MINDY4: variants seen among roughly 807,000 people sequenced by gnomAD.
MINDY4 encodes the protein MINDY lysine 48 deubiquitinase 4.
In MINDY4, 68 loss-of-function variants were observed where a neutral mutation model predicts 87.0. That is an observed-to-expected ratio of 0.78 (90% CI 0.64 to 0.96). The LOEUF (loss-of-function observed/expected upper bound fraction) is 0.96. Ranked by LOEUF, MINDY4 falls within the 40% of genes least tolerant of loss-of-function variation. The probability of loss-of-function intolerance (pLI) is 0.00; values close to 1 mark genes in which losing one functional copy is unlikely to be tolerated. For missense variants in MINDY4, 919 were observed against 928.2 expected (o/e 0.99, Z 0.13); for synonymous variants, 379 against 363.2 (o/e 1.04, Z -0.50).
intron 3 of MINDY4, among the ~76,000 whole-genome samples, chr7:30,783,858 G>A (rs1448518589): frequency 6.6e-6 from 1 of 152,120 alleles, no homozygotes; most frequent in Admixed American, 6.5e-5. Context: ...CTGCAGAGAT[G>A]GGAAAAATCT....
chr7:30,836,221 T>A (rs538844401), intron 6 of MINDY4, among the ~76,000 whole-genome samples: 85 of 152,358 alleles, frequency 5.6e-4, no homozygotes, highest in African/African-American at 1.9e-3. Flanking sequence ...CCATTTTCTT[T>A]CCCAGTCCTG....
chr7:30,831,306 T>A (rs1788692761), intron 6 of MINDY4, among the ~76,000 whole-genome samples: 1 of 152,086 alleles, frequency 6.6e-6, no homozygotes, highest in Admixed American at 6.5e-5. Context: ...CTTACTAGGT[T>A]ATGTTGTAAT....
intron 17 of MINDY4, among the ~76,000 whole-genome samples, chr7:30,890,238 TC>T (rs1426845885): frequency 6.6e-6 from 1 of 152,258 alleles, no homozygotes; most frequent in Non-Finnish European, 1.5e-5. Context: ...AATTCAGCGT[TC>T]CTATTTGGAC....
At chr7:30,859,782 G>T (rs1005383034) in intron 13 of MINDY4, among the ~76,000 whole-genome samples, 1 of 152,180 alleles carries the variant, frequency 6.6e-6, no homozygotes, top group Non-Finnish European at 1.5e-5. Flanking sequence ...GTGAATGGGC[G>T]GTGGCCAGGA....
At chr7:30,881,344 T>C (rs1366462408) in intron 15 of MINDY4, among the ~76,000 whole-genome samples, 2 of 152,170 alleles carry the variant, frequency 1.3e-5, no homozygotes, top group Non-Finnish European at 2.9e-5. Flanking sequence ...CCACAAACAC[T>C]TCCACCATGT....
intron 14 of MINDY4, among the ~76,000 whole-genome samples, chr7:30,873,297 C>T (rs958186903): frequency 1.3e-5 from 2 of 152,196 alleles, no homozygotes; most frequent in African/African-American, 4.8e-5. Context: ...TTTTCTGGGG[C>T]AGAGAAGGAT....
At chr7:30,775,176 T>C (rs566341397) in intron 1 of MINDY4, among the ~76,000 whole-genome samples, 1 of 152,314 alleles carries the variant, frequency 6.6e-6, no homozygotes, top group East Asian at 1.9e-4. Context: ...CAAGAGTTAG[T>C]GCAGACCCTG....
chr7:30,833,458 G>A (rs1456515423), intron 6 of MINDY4, among the ~76,000 whole-genome samples: 3 of 152,134 alleles, frequency 2.0e-5, no homozygotes, highest in East Asian at 1.9e-4. Flanking sequence ...TCCATGATTC[G>A]GTTATCTCCC....
intron 5 of MINDY4, among the ~76,000 whole-genome samples, chr7:30,810,286 A>G (rs1433357637): frequency 1.3e-5 from 2 of 151,596 alleles, no homozygotes; most frequent in East Asian, 3.9e-4. Flanking sequence ...AAAAAAATTT[A>G]TGCAAGAAAT....
chr7:30,774,463 C>A (rs1186622256), intron 1 of MINDY4, among the ~76,000 whole-genome samples: 2 of 152,158 alleles, frequency 1.3e-5, no homozygotes, highest in African/African-American at 4.8e-5. Flanking sequence ...TGTGCTCCTG[C>A]AGAATCCCAT....
chr7:30,804,484 T>C (rs1314752626), intron 5 of MINDY4, among the ~76,000 whole-genome samples: 2 of 152,186 alleles, frequency 1.3e-5, no homozygotes, highest in African/African-American at 4.8e-5. Flanking sequence ...ATGCTGAAGA[T>C]GAGGTTCCTG....
At chr7:30,826,592 A>G (rs1788514327) in intron 5 of MINDY4, among the ~76,000 whole-genome samples, 1 of 152,236 alleles carries the variant, frequency 6.6e-6, no homozygotes, top group African/African-American at 2.4e-5. Context: ...AGGTGGCCAG[A>G]TCATGGAGAG....
chr7:30,777,221 G>T (rs1786852303), intron 1 of MINDY4, among the ~76,000 whole-genome samples: 1 of 152,078 alleles, frequency 6.6e-6, no homozygotes, highest in Admixed American at 6.6e-5. Flanking sequence ...CTAGAGCCAG[G>T]GTAGGGGTGG....
At chr7:30,881,301 A>G (rs181596961) in intron 15 of MINDY4, among the ~76,000 whole-genome samples, 1 of 152,312 alleles carries the variant, frequency 6.6e-6, no homozygotes, top group East Asian at 1.9e-4. Context: ...CAACGTGCTG[A>G]GGGCCCTGGT....
intron 5 of MINDY4, among the ~76,000 whole-genome samples, chr7:30,806,763 T>C (rs558499778): frequency 1.9e-4 from 29 of 152,298 alleles, no homozygotes; most frequent in Non-Finnish European, 3.7e-4. Context: ...GGAAGGTGGG[T>C]CTGTTTGAAA....
In MINDY4 at chr7:30,892,096, A is replaced by G. The variant is rs1790809507; in HGVS notation, c.*91A>G. 3.6e-6 allele frequency: 5 copies of G among 1,394,542 alleles called. No individual in the cohort carries two copies. The highest frequency in any genetic ancestry group is 5.1e-6 in the Non-Finnish European group (5 of 982,818). The allele number at this position is 1,394,542 out of a possible 1,614,324, so 86.4% of individuals were successfully genotyped here. A position where few individuals can be genotyped will look rare whatever the true frequency, so the allele number is the denominator to read the frequency against. ...ACCCCAAGCCTCTGGGGCAGGTCTCATGTACCCCAACCTGGGTCAGCATGA... is the reference window on the plus strand; with the variant it reads ...ACCCCAAGCCTCTGGGGCAGGTCTCGTGTACCCCAACCTGGGTCAGCATGA... On this transcript the variant is annotated 3_prime_UTR_variant, in exon 18 of 18. Transcript: ENST00000265299.
intron 8 of MINDY4, 133 bp downstream of exon 8, chr7:30,839,449 T>C: frequency 1.8e-6 from 1 of 566,580 alleles, no homozygotes; most frequent in Non-Finnish European, 3.2e-6. Context: ...CCACATGTGC[T>C]GAGTTGTCAC....
intron 5 of MINDY4, among the ~76,000 whole-genome samples, chr7:30,811,225 A>G (rs181753594): frequency 2.6e-4 from 39 of 152,268 alleles, no homozygotes; most frequent in Admixed American, 1.4e-3. Flanking sequence ...GTATTATAGT[A>G]ACTTATACTA....
intron 14 of MINDY4, among the ~76,000 whole-genome samples, chr7:30,874,269 A>G (rs1378565512): frequency 6.6e-6 from 1 of 152,220 alleles, no homozygotes; most frequent in Non-Finnish European, 1.5e-5. Flanking sequence ...CTTAGAGGCC[A>G]CCCTTCATCT....
Sources: allele counts gnomAD v4.1 joint callset (sites outside exome capture counted in the v4.1 genomes callset), GRCh38; gene constraint gnomAD v4.1.1; transcripts MANE v1.5; gene names NCBI Gene and HGNC (gene_info 2026-07-23, HGNC 2026-07-21).